The following TMEM164 variants were observed in gnomAD, a reference collection of about 807,000 sequenced individuals.
The protein encoded by TMEM164 is RP13-360B22.2.
In TMEM164, 4 loss-of-function variants were observed where a neutral mutation model predicts 18.8. That is an observed-to-expected ratio of 0.21 (90% CI 0.10 to 0.49). The LOEUF (loss-of-function observed/expected upper bound fraction) is 0.49, where lower values mean the gene tolerates loss of function less well. Ranked by LOEUF, TMEM164 falls within the 20% of genes least tolerant of loss-of-function variation. TMEM164 has a pLI of 0.98. For synonymous variants in TMEM164, 86 were observed against 101.7 expected (o/e 0.85, Z 0.93); for missense variants, 108 against 239.9 (o/e 0.45, Z 3.63).
chrX:110,118,739 A>G (rs2066407308), intron 4 of TMEM164, among the ~76,000 whole-genome samples: 1 of 111,064 alleles, frequency 9.0e-6, no homozygotes, highest in Non-Finnish European at 1.9e-5. Context: ...AATGGAGTCA[A>G]AGTCCGAAGA....
At chrX:110,106,399 A>G (rs1325246179) in intron 3 of TMEM164, among the ~76,000 whole-genome samples, 4 of 92,841 alleles carry the variant, frequency 4.3e-5, no homozygotes, top group Non-Finnish European at 8.3e-5. Flanking sequence ...TTTGAGATGC[A>G]GTCTTGCTTT....
intron 2 of TMEM164, among the ~76,000 whole-genome samples, chrX:110,014,750 T>C (rs1396814208): frequency 2.0e-5 from 2 of 100,590 alleles, no homozygotes; most frequent in African/African-American, 3.6e-5. Flanking sequence ...GTTTCTTTTT[T>C]TTTTTTTTTT....
chrX:110,087,099 G>A (rs1177382641), intron 3 of TMEM164, among the ~76,000 whole-genome samples: 3 of 112,035 alleles, frequency 2.7e-5, no homozygotes, highest in Non-Finnish European at 3.8e-5. Flanking sequence ...CTTTTTGCTT[G>A]TAGTACAAAT....
chrX:110,158,819 T>G, intron 5 of TMEM164, among the ~76,000 whole-genome samples: 1 of 112,149 alleles, frequency 8.9e-6, no homozygotes, highest in South Asian at 3.7e-4. Context: ...ATTACAAAGC[T>G]AGACTACCTG....
chrX:110,140,216 C>G (rs751365845), intron 4 of TMEM164, among the ~76,000 whole-genome samples: 1 of 111,276 alleles, frequency 9.0e-6, no homozygotes, highest in Non-Finnish European at 1.9e-5. Flanking sequence ...GTGCCATAGT[C>G]TCAGGACATG....
At chrX:110,181,876 G>A (rs1264056023), downstream of TMEM164, among the ~76,000 whole-genome samples, 1 of 112,160 alleles carries the variant, frequency 8.9e-6, no homozygotes. Flanking sequence ...TGTTCCCAGA[G>A]CACAGAGGTT....
At chrX:110,149,877 G>A (rs763749150) in intron 5 of TMEM164, among the ~76,000 whole-genome samples, 2 of 111,708 alleles carry the variant, frequency 1.8e-5, no homozygotes, top group Non-Finnish European at 3.8e-5. Flanking sequence ...GCTAAAAACT[G>A]GGAATCATCC....
chrX:110,151,101 A>G (rs767418861), intron 5 of TMEM164, among the ~76,000 whole-genome samples: 2 of 112,243 alleles, frequency 1.8e-5, no homozygotes, highest in South Asian at 7.3e-4. Context: ...AAGTTACAAC[A>G]CTATATCATA....
chrX:110,178,985 C>T (rs185463524), downstream of TMEM164, among the ~76,000 whole-genome samples: 6 of 111,566 alleles, frequency 5.4e-5, no homozygotes, highest in East Asian at 1.7e-3. Flanking sequence ...GACCCCTGGT[C>T]CTTATAGAAG....
chrX:110,016,449 C>T (rs1364886712), intron 2 of TMEM164, among the ~76,000 whole-genome samples: 5 of 111,177 alleles, frequency 4.5e-5, no homozygotes, highest in African/African-American at 1.6e-4. Flanking sequence ...GTAACAGGGC[C>T]GGATGGGCAA....
intron 2 of TMEM164, among the ~76,000 whole-genome samples, chrX:110,021,879 G>T (rs183736346): frequency 8.9e-5 from 10 of 112,017 alleles, no homozygotes; most frequent in African/African-American, 2.6e-4. Context: ...TGACTGAAAT[G>T]GAATTTTTGT....
intron 2 of TMEM164, 116 bp from the exon 3 acceptor site, chrX:110,067,231 A>G (rs754971225): frequency 4.0e-6 from 3 of 742,941 alleles, no homozygotes; most frequent in Non-Finnish European, 6.1e-6. Flanking sequence ...AAAAATTTTT[A>G]TATTACATTA....
intron 4 of TMEM164, among the ~76,000 whole-genome samples, chrX:110,115,104 G>A (rs1208779987): frequency 9.0e-6 from 1 of 111,566 alleles, no homozygotes; most frequent in Non-Finnish European, 1.9e-5. Flanking sequence ...ATGTTCTTGG[G>A]ATGCAGCTTT....
intron 3 of TMEM164, among the ~76,000 whole-genome samples, chrX:110,100,948 G>T (rs921941213): frequency 9.1e-6 from 1 of 110,460 alleles, no homozygotes; most frequent in African/African-American, 3.3e-5. Context: ...GAGGATTTTT[G>T]TGTCTGTTGT....
intron 2 of TMEM164, among the ~76,000 whole-genome samples, chrX:110,062,667 G>A (rs778017598): frequency 2.7e-5 from 3 of 111,858 alleles, no homozygotes; most frequent in Non-Finnish European, 5.6e-5. Context: ...CCATATAATT[G>A]AATAAAATGA....
At chrX:110,145,549 C>T (rs189205454) in intron 5 of TMEM164, among the ~76,000 whole-genome samples, 77 of 111,763 alleles carry the variant, frequency 6.9e-4, no homozygotes, top group African/African-American at 2.4e-3. Context: ...TTGTGAGAGC[C>T]ACTCCTTCTC....
At chrX:110,068,498 T>C (rs1421310944) in intron 3 of TMEM164, among the ~76,000 whole-genome samples, 1 of 112,433 alleles carries the variant, frequency 8.9e-6, no homozygotes, top group Non-Finnish European at 1.9e-5. Context: ...ATTCTCATTA[T>C]GGAAAACACA....
intron 2 of TMEM164, among the ~76,000 whole-genome samples, chrX:110,044,448 G>T (rs1271518825): frequency 9.2e-6 from 1 of 109,045 alleles, no homozygotes; most frequent in Non-Finnish European, 1.9e-5. Context: ...TGTTGTTGTT[G>T]TTTGTTTTTG....
At chrX:110,062,802 T>G in intron 2 of TMEM164, among the ~76,000 whole-genome samples, 1 of 111,593 alleles carries the variant, frequency 9.0e-6, no homozygotes, top group Non-Finnish European at 1.9e-5. Flanking sequence ...AAAGAAGGCC[T>G]TGTCCGCCAT....
Sources: gnomAD v4.1 joint callset for allele counts (sites outside exome capture counted in the v4.1 genomes callset) on GRCh38, gnomAD v4.1.1 for gene constraint, MANE v1.5 for transcripts, NCBI Gene and HGNC (gene_info 2026-07-23, HGNC 2026-07-21) for gene names.